Variants in AGAP1 observed in about 807,000 individuals in gnomAD.
AGAP1 encodes the protein ArfGAP with GTPase domain, ankyrin repeat and PH domain 1.
In AGAP1, 29 loss-of-function variants were observed where a neutral mutation model predicts 105.3. The ratio of observed to expected loss-of-function variants is 0.28; its 90% CI spans 0.21 to 0.38. The LOEUF is 0.38. AGAP1 is among the 10% of genes least tolerant of loss of function. The pLI is 1.00. For synonymous variants in AGAP1, 509 were observed against 485.9 expected (o/e 1.05, Z -0.63); for missense variants, 998 against 1,165.1 (o/e 0.86, Z 2.09).
rs1957489617 is a variant in AGAP1, at chr2:235,801,418, GGT to G, written c.957+1898_957+1899del. ...GTTAAGCATATGTGATAGATTAGGA[GGT>G]GGGTATTTAGGTTTCTGTAAAATAC... On this transcript the variant is annotated intron_variant, in intron 8 of 17. Transcript: ENST00000304032. This position sits in a 1 kb window ranked among gnomAD's most constrained non-coding sequence, Gnocchi z 6.0. Among the ~76,000 whole-genome samples the G allele has an allele frequency of 1.3e-5, 2 of 152,008 alleles. No homozygotes were observed. The highest frequency in any genetic ancestry group is 4.2e-4 in the South Asian group (2 of 4,818).
In AGAP1 at chr2:235,678,142, G is replaced by A. The variant is rs527922711; in HGVS notation, c.164-31037G>A. Among the ~76,000 whole-genome samples, 8 of 152,216 alleles carry A rather than the reference G, an allele frequency of 5.3e-5. No homozygotes were observed. In the East Asian group the frequency reaches 1.6e-3, roughly 30 times the overall value. ...CTGGTGCCAATGCAGCTCGTTGACA[G>A]CTCCAAGATATTTGGATATCTCACT... is the stretch of plus-strand genomic sequence containing the variant. On this transcript the variant is annotated intron_variant, in intron 1 of 17. Transcript: ENST00000304032.
In AGAP1 at chr2:235,552,648, T is replaced by A. The variant is rs978138950; in HGVS notation, c.163+57799T>A. On this transcript the variant is annotated intron_variant, in intron 1 of 17. Transcript: ENST00000304032. This position sits in a 1 kb window ranked among gnomAD's most constrained non-coding sequence, Gnocchi z 5.9. ...AGGTGCACACACACCTGGCAGAGGT[T>A]TGGAGCTGGGTTGTGGGTGAGGGAT... Among the ~76,000 whole-genome samples, 1 of 151,988 alleles carries A rather than the reference T, an allele frequency of 6.6e-6. No homozygotes were observed. Among genetic ancestry groups the A allele is most frequent in the African/African-American group, 2.4e-5 (1 of 41,394 alleles).
rs191538081 is a variant in AGAP1 at position 236,082,435 on chromosome 2, G to A, written c.2114+33154G>A. Among the ~76,000 whole-genome samples, 1 of 152,306 alleles carries A rather than the reference G, an allele frequency of 6.6e-6. No individual in the cohort carries two copies. The highest frequency in any genetic ancestry group is 1.5e-5 in the Non-Finnish European group (1 of 68,030). On this transcript the variant is annotated intron_variant, in intron 16 of 17. Coordinates refer to ENST00000304032, the MANE Select transcript of AGAP1 (RefSeq NM_001037131.3). This position sits in a 1 kb window ranked among gnomAD's most constrained non-coding sequence, Gnocchi z 4.2. Reference sequence around the variant, plus strand: ...GAGCTCACCCACCAGGTCCTGCTACGGGGCCGCTGCCCATTTGATCTCTCA... The same window carrying A: ...GAGCTCACCCACCAGGTCCTGCTACAGGGCCGCTGCCCATTTGATCTCTCA...
In AGAP1 at chr2:235,962,473, A is replaced by G. The variant is rs10184203; in HGVS notation, c.1484-5989A>G. Among the ~76,000 whole-genome samples the G allele has an allele frequency of 0.14, 21,367 of 152,028 alleles. 4,009 individuals are homozygous for G. The highest frequency in any genetic ancestry group is 0.43 in the African/African-American group (17,909 of 41,430). On this transcript the variant is annotated intron_variant, in intron 12 of 17. Coordinates refer to ENST00000304032, the MANE Select transcript of AGAP1 (RefSeq NM_001037131.3). This position sits in a 1 kb window ranked among gnomAD's most constrained non-coding sequence, Gnocchi z 5.3. ...GTGAGCGGGTTGGACGTCAGATGGC[A>G]TGGAACTCAGGGCATAGAGGAGCCA...
At chr2:235,607,427 T>G (rs973451415) in intron 1 of AGAP1, among the ~76,000 whole-genome samples, 1 of 152,222 alleles carries the variant, frequency 6.6e-6, no homozygotes, top group Non-Finnish European at 1.5e-5. Flanking sequence ...CCTTTAGGGC[T>G]CCCCACAGCA....
chr2:236,064,319 G>A (rs1230766992), intron 16 of AGAP1, among the ~76,000 whole-genome samples: 5 of 152,162 alleles, frequency 3.3e-5, no homozygotes, highest in East Asian at 3.8e-4. Flanking sequence ...TTGCTCTGCC[G>A]TGGCTCGCGC....
rs1279078900 is a variant in AGAP1 at position 235,517,925 on chromosome 2, T to TC, written c.163+23078dup. On this transcript the variant is annotated intron_variant, in intron 1 of 17. Transcript: ENST00000304032. The surrounding 1 kb of genome is among the most constrained non-coding windows in gnomAD (Gnocchi z 4.1). ...TCCAGCCTGGGTGACAGAGTGAGACTCCGTTTCAAAAAAAAAAAAAAAGAA... is the reference window on the plus strand; with the variant it reads ...TCCAGCCTGGGTGACAGAGTGAGACTCCCGTTTCAAAAAAAAAAAAAAAGAA... Among the ~76,000 whole-genome samples the TC allele has an allele frequency of 1.6e-5, 2 of 127,968 alleles. No individual in the cohort carries two copies. The highest frequency in any genetic ancestry group is 3.2e-5 in the Non-Finnish European group (2 of 62,218). 84.0% of individuals were successfully genotyped at this position (127,968 alleles called of 152,430 possible).
rs1310487626 is a variant in AGAP1, at chr2:235,623,222, G to A, written c.164-85957G>A. Among the ~76,000 whole-genome samples, 2 of 152,172 alleles carry A rather than the reference G, an allele frequency of 1.3e-5. No homozygotes were observed. Among genetic ancestry groups the A allele is most frequent in the African/African-American group, 4.8e-5 (2 of 41,422 alleles). On this transcript the variant is annotated intron_variant, in intron 1 of 17. Coordinates refer to ENST00000304032, the MANE Select transcript of AGAP1 (RefSeq NM_001037131.3). The surrounding 1 kb of genome is among the most constrained non-coding windows in gnomAD (Gnocchi z 4.5). ...AACAATGCATCTGAACGGATGGACTGTTTTGGAGATTTATGCGTGTTCTGC... is the reference window on the plus strand; with the variant it reads ...AACAATGCATCTGAACGGATGGACTATTTTGGAGATTTATGCGTGTTCTGC...
chr2:235,597,168 A>T (rs1368387356), intron 1 of AGAP1, among the ~76,000 whole-genome samples: 1 of 152,200 alleles, frequency 6.6e-6, no homozygotes, highest in African/African-American at 2.4e-5. Context: ...TGCCCCTTCA[A>T]CCACCAAGGC....
At chr2:235,933,822 C>T (rs921497493) in intron 12 of AGAP1, among the ~76,000 whole-genome samples, 2 of 151,960 alleles carry the variant, frequency 1.3e-5, no homozygotes, top group East Asian at 1.9e-4. Context: ...TGAGCCACCG[C>T]GCCCGGCCTT....
intron 11 of AGAP1, among the ~76,000 whole-genome samples, chr2:235,913,161 T>C (rs2051701080): frequency 6.6e-6 from 1 of 152,196 alleles, no homozygotes; most frequent in Admixed American, 6.5e-5. Flanking sequence ...TTAAGCTATT[T>C]AGAAAACCTT....
intron 1 of AGAP1, among the ~76,000 whole-genome samples, chr2:235,602,616 C>A (rs891440297): frequency 2.6e-5 from 4 of 152,232 alleles, no homozygotes; most frequent in Non-Finnish European, 4.4e-5. Context: ...CCATCCCATT[C>A]AGCCTAATGG....
chr2:235,512,822 C>G (rs1942206436), intron 1 of AGAP1, among the ~76,000 whole-genome samples: 1 of 152,176 alleles, frequency 6.6e-6, no homozygotes, highest in Admixed American at 6.5e-5. Context: ...CTGCCCTTTG[C>G]CTTCCTCTCC....
rs116823496 is a variant in AGAP1, at chr2:235,953,106, G to A, written c.1484-15356G>A. ...GCCACCCACCTCCAATAAAGGCTTGGGAGTCGCAAGGATCCCTTTTCATAA... is the reference window on the plus strand; with the variant it reads ...GCCACCCACCTCCAATAAAGGCTTGAGAGTCGCAAGGATCCCTTTTCATAA... On this transcript the variant is annotated intron_variant, in intron 12 of 17. Transcript: ENST00000304032. This position sits in a 1 kb window ranked among gnomAD's most constrained non-coding sequence, Gnocchi z 5.2. Among the ~76,000 whole-genome samples, 4,939 of 152,278 alleles carry A rather than the reference G, an allele frequency of 0.032. 156 individuals are homozygous for A. The highest frequency in any genetic ancestry group is 0.13 in the South Asian group (612 of 4,824).
rs1473238692 is a variant in AGAP1 at position 235,793,430 on chromosome 2, G to C, written c.674-4329G>C. 2.0e-5 allele frequency among the ~76,000 whole-genome samples: 3 copies of C among 152,324 alleles called. No homozygotes were observed. In the East Asian group the frequency reaches 5.8e-4, roughly 29 times the overall value. ...GACAAACTGAGGGTGCAGGGCAAAA[G>C]AACACATGATTCGTGCTGTGGAACC... is the stretch of plus-strand genomic sequence containing the variant. On this transcript the variant is annotated intron_variant, in intron 6 of 17. Coordinates refer to ENST00000304032, the MANE Select transcript of AGAP1 (RefSeq NM_001037131.3). The surrounding 1 kb of genome is among the most constrained non-coding windows in gnomAD (Gnocchi z 5.3).
In AGAP1 at chr2:235,875,642, C is replaced by T. The variant is rs190540107; in HGVS notation, c.1051-7703C>T. ...GTAGAGCTTCTCTCCCCAGCTTTCC[C>T]GGGAGTGTGTGGTCTCCTGTTTCCC... On this transcript the variant is annotated intron_variant, in intron 9 of 17. Coordinates refer to ENST00000304032, the MANE Select transcript of AGAP1 (RefSeq NM_001037131.3). The surrounding 1 kb of genome is among the most constrained non-coding windows in gnomAD (Gnocchi z 4.0). Among the ~76,000 whole-genome samples, 4 of 152,246 alleles carry T rather than the reference C, an allele frequency of 2.6e-5. No individual in the cohort carries two copies. The highest frequency in any genetic ancestry group is 3.9e-4 in the East Asian group (2 of 5,152).
rs1243467962 is a variant in AGAP1 at position 235,931,873 on chromosome 2, G to T, written c.1483+950G>T. 6.6e-6 allele frequency among the ~76,000 whole-genome samples: 1 copy of T among 152,106 alleles called. No homozygotes were observed. Among genetic ancestry groups the T allele is most frequent in the East Asian group, 1.9e-4 (1 of 5,148 alleles). On this transcript the variant is annotated intron_variant, in intron 12 of 17. Coordinates refer to ENST00000304032, the MANE Select transcript of AGAP1 (RefSeq NM_001037131.3). The surrounding 1 kb of genome is among the most constrained non-coding windows in gnomAD (Gnocchi z 5.6). ...AGCGAGGTAGCTCCACACCATAGCGGTGCGGGTCTGGAAGAGCCTTGTGAC... is the reference window on the plus strand; with the variant it reads ...AGCGAGGTAGCTCCACACCATAGCGTTGCGGGTCTGGAAGAGCCTTGTGAC...
chr2:235,799,309 G>A lies in AGAP1; in HGVS notation c.802-58G>A, dbSNP rs1957385060. On this transcript the variant is annotated intron_variant, in intron 7 of 17. Coordinates refer to ENST00000304032, the MANE Select transcript of AGAP1 (RefSeq NM_001037131.3). The surrounding 1 kb of genome is among the most constrained non-coding windows in gnomAD (Gnocchi z 5.0). ...TTGTTGGTTATGACCTTGCCTAAGT[G>A]GAGGTCTTGGGTTCCTGAGTATGTC... 1 of 1,578,326 alleles carries A rather than the reference G, an allele frequency of 6.3e-7. No individual in the cohort carries two copies. Among genetic ancestry groups the A allele is most frequent in the African/African-American group, 1.3e-5 (1 of 74,258 alleles).
chr2:236,117,513 A>C (rs2059799997), intron 16 of AGAP1, among the ~76,000 whole-genome samples: 1 of 152,214 alleles, frequency 6.6e-6, no homozygotes, highest in Non-Finnish European at 1.5e-5. Context: ...TGGGAATATT[A>C]AAAAGAAATT....
Sources: allele counts gnomAD v4.1 joint callset (sites outside exome capture counted in the v4.1 genomes callset), GRCh38; gene constraint gnomAD v4.1.1; non-coding constraint Gnocchi (gnomAD v3.1); transcripts MANE v1.5; gene names NCBI Gene and HGNC (gene_info 2026-07-23, HGNC 2026-07-21).